ACYP2: variants seen among roughly 807,000 people sequenced by gnomAD.
ACYP2 encodes acylphosphatase 2.
ACYP2 carries 12 observed loss-of-function variants against 11.2 expected under a neutral mutation model. The observed-to-expected ratio is 1.08, with a 90% CI of 0.69 to 1.74. The LOEUF is 1.74. Among genes scored for constraint, ACYP2 ranks in the 40% most tolerant of loss-of-function variants. The pLI is 0.00. For missense variants in ACYP2, 134 were observed against 101.9 expected (o/e 1.31, Z -1.35); for synonymous variants, 43 against 32.2 (o/e 1.33, Z -1.13).
chr2:53,999,272 A>C (rs952379666), intron 2 of ACYP2, among the ~76,000 whole-genome samples: 1 of 152,200 alleles, frequency 6.6e-6, no homozygotes, highest in Non-Finnish European at 1.5e-5. Flanking sequence ...TGAGCCCTCA[A>C]ATATACACAT....
rs185557218 is a variant in ACYP2, at chr2:54,250,903, C to A, written c.405-53785C>A. On this transcript the variant is annotated intron_variant, in intron 6 of 6. Coordinates refer to ENST00000607452, the MANE Select transcript of ACYP2 (RefSeq NM_001320586.2). ...GAAATTGTTTTTATCTCTTAATTAT[C>A]AAATGAAATATACCTCAAAGAGGGA... Among the ~76,000 whole-genome samples, 789 of 152,192 alleles carry A rather than the reference C, an allele frequency of 5.2e-3. 9 individuals carry two copies. Among genetic ancestry groups the A allele is most frequent in the African/African-American group, 0.018 (753 of 41,548 alleles).
At chr2:53,976,686 A>T (rs1467091946) in intron 2 of ACYP2, among the ~76,000 whole-genome samples, 1 of 152,240 alleles carries the variant, frequency 6.6e-6, no homozygotes, top group East Asian at 1.9e-4. Flanking sequence ...TAGTTCCTGT[A>T]GGATTTTTAA....
At chr2:54,260,029 C>G (rs1481030245) in intron 6 of ACYP2, among the ~76,000 whole-genome samples, 1 of 151,996 alleles carries the variant, frequency 6.6e-6, no homozygotes, top group Non-Finnish European at 1.5e-5. Flanking sequence ...ATGTAAGAGA[C>G]AGAAGGAAGC....
At chr2:54,003,999 T>TC (rs999642218) in intron 2 of ACYP2, among the ~76,000 whole-genome samples, 3 of 152,166 alleles carry the variant, frequency 2.0e-5, no homozygotes, top group Non-Finnish European at 4.4e-5. Flanking sequence ...TGTTTTTTTT[T>TC]CTGAGATGGA....
At chr2:54,164,060 G>C (rs1201998278) in intron 6 of ACYP2, among the ~76,000 whole-genome samples, 5 of 152,190 alleles carry the variant, frequency 3.3e-5, no homozygotes, top group Non-Finnish European at 7.3e-5. Flanking sequence ...AAAGAAGCGT[G>C]GTAGAATTTC....
intron 4 of ACYP2, among the ~76,000 whole-genome samples, chr2:54,076,176 T>A (rs1207797331): frequency 1.3e-5 from 2 of 152,162 alleles, no homozygotes; most frequent in Non-Finnish European, 2.9e-5. Flanking sequence ...TATGTAAGTG[T>A]AAAGAAAGTA....
chr2:54,040,170 T>C (rs1573584160), intron 2 of ACYP2, among the ~76,000 whole-genome samples: 2 of 152,164 alleles, frequency 1.3e-5, no homozygotes, highest in South Asian at 4.1e-4. Context: ...ATGCTGAAGG[T>C]TAATCAGACA....
chr2:54,058,425 A>G (rs1397610408), intron 4 of ACYP2, among the ~76,000 whole-genome samples: 2 of 151,770 alleles, frequency 1.3e-5, no homozygotes, highest in Admixed American at 6.6e-5. Context: ...CTATGTCTTC[A>G]TTTACAAATT....
rs907101450 is a variant in ACYP2, at chr2:53,971,179, C to T, written c.-179C>T. On this transcript the variant is annotated 5_prime_UTR_variant, in exon 1 of 7. Coordinates refer to ENST00000607452, the MANE Select transcript of ACYP2 (RefSeq NM_001320586.2). ...CGTGGGCCCGGCTCGGAGCCCCCAC[C>T]CCAGGCCTCACCGGCCCAGCGCGAG... The T allele has an allele frequency of 1.7e-5, 3 of 179,560 alleles. No homozygotes were observed. Among genetic ancestry groups the T allele is most frequent in the Non-Finnish European group, 3.5e-5 (3 of 86,720 alleles). 11.1% of individuals were successfully genotyped at this position (179,560 alleles called of 1,614,324 possible).
At chr2:54,144,056 A>T (rs545843357) in intron 6 of ACYP2, among the ~76,000 whole-genome samples, 37 of 152,184 alleles carry the variant, frequency 2.4e-4, no homozygotes, top group African/African-American at 8.2e-4. Flanking sequence ...TGCAGCCTTG[A>T]CCTGCTGGGT....
intron 6 of ACYP2, among the ~76,000 whole-genome samples, chr2:54,188,248 A>G (rs1558598194): frequency 6.6e-6 from 1 of 152,168 alleles, no homozygotes; most frequent in Non-Finnish European, 1.5e-5. Flanking sequence ...AAATGATAGC[A>G]TATTTACTTA....
chr2:54,173,758 G>A (rs1315666199), intron 6 of ACYP2, among the ~76,000 whole-genome samples: 1 of 152,102 alleles, frequency 6.6e-6, no homozygotes, highest in African/African-American at 2.4e-5. Flanking sequence ...TCTACATATG[G>A]CTAGCCAGTT....
intron 6 of ACYP2, among the ~76,000 whole-genome samples, chr2:54,139,967 C>G: frequency 6.6e-6 from 1 of 152,152 alleles, no homozygotes; most frequent in Non-Finnish European, 1.5e-5. Context: ...ATTTTCTGGA[C>G]ATTTCAGTAA....
chr2:54,188,658 T>A (rs1226161518), intron 6 of ACYP2, among the ~76,000 whole-genome samples: 1 of 152,232 alleles, frequency 6.6e-6, no homozygotes, highest in Non-Finnish European at 1.5e-5. Flanking sequence ...CAGAAATTGT[T>A]GTTTAAAGAA....
At chr2:54,077,146 G>T (rs1186521423) in intron 4 of ACYP2, among the ~76,000 whole-genome samples, 3 of 152,106 alleles carry the variant, frequency 2.0e-5, no homozygotes, top group Non-Finnish European at 2.9e-5. Context: ...TGAAATGTAA[G>T]ATACATTTTC....
chr2:54,128,624 A>T (rs1198284318), intron 4 of ACYP2, among the ~76,000 whole-genome samples: 3 of 152,138 alleles, frequency 2.0e-5, no homozygotes, highest in Non-Finnish European at 4.4e-5. Context: ...CTATGATCAC[A>T]CCACTGCACT....
At chr2:54,264,334 C>T (rs969848789) in intron 6 of ACYP2, among the ~76,000 whole-genome samples, 4 of 152,198 alleles carry the variant, frequency 2.6e-5, no homozygotes, top group Non-Finnish European at 2.9e-5. Context: ...CAGGTTGCCG[C>T]TGCTGGCTCT....
intron 6 of ACYP2, among the ~76,000 whole-genome samples, chr2:54,177,312 G>T (rs1683503168): frequency 6.6e-6 from 1 of 152,134 alleles, no homozygotes; most frequent in Non-Finnish European, 1.5e-5. Context: ...GTTGGAAGAG[G>T]CATCATTCTT....
chr2:54,299,227 A>C (rs1174673744), intron 6 of ACYP2, among the ~76,000 whole-genome samples: 1 of 152,202 alleles, frequency 6.6e-6, no homozygotes, highest in Non-Finnish European at 1.5e-5. Flanking sequence ...TCCCTGGAGA[A>C]TATGACCAGT....
Sources: gnomAD v4.1 joint callset for allele counts (sites outside exome capture counted in the v4.1 genomes callset) on GRCh38, gnomAD v4.1.1 for gene constraint, MANE v1.5 for transcripts, NCBI Gene and HGNC (gene_info 2026-07-23, HGNC 2026-07-21) for gene names.